Variants in MTHFD1 observed in about 807,000 individuals in gnomAD.
The protein encoded by MTHFD1 is methylenetetrahydrofolate dehydrogenase, cyclohydrolase and formyltetrahydrofolate synthetase 1.
MTHFD1 carries 44 observed loss-of-function variants against 110.3 expected under a neutral mutation model. The observed-to-expected ratio is 0.40, with a 90% CI of 0.31 to 0.51. MTHFD1 has a LOEUF of 0.51. Among genes scored for constraint, MTHFD1 ranks in the 20% least tolerant of loss-of-function variants. The probability of loss-of-function intolerance (pLI) is 0.60; values close to 1 mark genes in which losing one functional copy is unlikely to be tolerated. For synonymous variants in MTHFD1, 402 were observed against 428.8 expected, an observed-to-expected ratio of 0.94 and a Z score of 0.77; for missense variants, 909 against 1,173.1, an observed-to-expected ratio of 0.77 and a Z score of 3.29.
intron 6 of MTHFD1, among the ~76,000 whole-genome samples, chr14:64,416,119 C>A (rs966754432): frequency 2.0e-5 from 3 of 152,066 alleles, no homozygotes; most frequent in South Asian, 2.1e-4. Flanking sequence ...GTGGCATGCA[C>A]CTGTATTCCC....
intron 26 of MTHFD1, among the ~76,000 whole-genome samples, chr14:64,457,388 CATGGAAG>C (rs1438883092): frequency 6.6e-6 from 1 of 152,052 alleles, no homozygotes; most frequent in Non-Finnish European, 1.5e-5. Flanking sequence ...CTTGTGACCA[CATGGAAG>C]ATGATAGTGA....
intron 8 of MTHFD1, 46 bp downstream of exon 8, chr14:64,419,971 G>T (rs1310483995): frequency 7.6e-7 from 1 of 1,312,290 alleles, no homozygotes; most frequent in Non-Finnish European, 1.1e-6. Flanking sequence ...ATTGAGGATG[G>T]TATCTAGGTC....
chr14:64,441,442 C>T lies in MTHFD1; in HGVS notation c.1873C>T (p.Gln625Ter). The T allele has an allele frequency of 6.2e-7, 1 of 1,613,930 alleles. No homozygotes were observed. The highest frequency in any genetic ancestry group is 8.5e-7 in the Non-Finnish European group (1 of 1,179,876). ...GGACGCAATCAAGCCCAATCTCATGCAGACACTGGAGGTGAGCAGAGTGAC... is the reference window on the plus strand; with the variant it reads ...GGACGCAATCAAGCCCAATCTCATGTAGACACTGGAGGTGAGCAGAGTGAC... ...MKDAIKPNLM[Q>*]TLEGTPVFVH... The change falls in exon 19 of 28, where the codon CAG becomes TAG. Residue 625 changes from glutamine to a stop codon, truncating the protein, a stop_gained. Transcript: ENST00000652337. LOFTEE classifies it high-confidence loss of function.
chr14:64,453,274 A>G (rs1168617856), intron 24 of MTHFD1, among the ~76,000 whole-genome samples: 1 of 152,076 alleles, frequency 6.6e-6, no homozygotes, highest in East Asian at 1.9e-4. Flanking sequence ...GCTTGATATT[A>G]AAAGAAAGTG....
chr14:64,439,679 T>C (rs1054849993), intron 17 of MTHFD1, among the ~76,000 whole-genome samples: 13 of 151,996 alleles, frequency 8.6e-5, no homozygotes, highest in Non-Finnish European at 1.2e-4. Context: ...GGCGGGCGGA[T>C]CACTTGAGGT....
chr14:64,395,725 G>T (rs1047157004), intron 1 of MTHFD1, among the ~76,000 whole-genome samples: 1 of 152,146 alleles, frequency 6.6e-6, no homozygotes, highest in Admixed American at 6.6e-5. Context: ...TTGGCATCTA[G>T]CAGTAGAGGC....
chr14:64,398,783 C>T (rs1596531250), intron 1 of MTHFD1, among the ~76,000 whole-genome samples: 1 of 152,230 alleles, frequency 6.6e-6, no homozygotes, highest in East Asian at 1.9e-4. Flanking sequence ...AATGACAAAA[C>T]TGGTTTTCCA....
At chr14:64,413,656 C>T (rs2140954800) in intron 4 of MTHFD1, among the ~76,000 whole-genome samples, 1 of 152,282 alleles carries the variant, frequency 6.6e-6, no homozygotes, top group South Asian at 2.1e-4. Flanking sequence ...GTTGTACTAG[C>T]CACTTTGCAA....
At chr14:64,437,232 A>C (rs2078213083) in intron 16 of MTHFD1, among the ~76,000 whole-genome samples, 1 of 152,138 alleles carries the variant, frequency 6.6e-6, no homozygotes, top group African/African-American at 2.4e-5. Flanking sequence ...CAAAATATAT[A>C]GGCAAATTTG....
In MTHFD1 at chr14:64,388,645, T is replaced by G. The variant is rs960562486; in HGVS notation, c.41+177T>G. 15 of 699,918 alleles carry G rather than the reference T, an allele frequency of 2.1e-5. No homozygotes were observed. In the East Asian group the frequency reaches 3.8e-4, roughly 18 times the overall value. The allele number at this position is 699,918 out of a possible 1,614,324, so 43.4% of individuals were successfully genotyped here. On this transcript the variant is annotated intron_variant, in intron 1 of 27. Transcript: ENST00000652337. ...CCCGGGCACAACCTGCGTTTGCAAG[T>G]GGACTGCCTAGTGGCTGTAGCCGCT...
At chr14:64,397,043 T>G (rs2077855320) in intron 1 of MTHFD1, among the ~76,000 whole-genome samples, 1 of 120,864 alleles carries the variant, frequency 8.3e-6, no homozygotes, top group African/African-American at 3.3e-5. Context: ...AGGCGGAGCT[T>G]GCAGTGAGCC....
intron 27 of MTHFD1, among the ~76,000 whole-genome samples, chr14:64,459,263 T>C (rs1431646301): frequency 1.3e-5 from 2 of 152,210 alleles, no homozygotes; most frequent in Non-Finnish European, 2.9e-5. Context: ...TTTGGGAAAC[T>C]GAACCCTCAT....
intron 4 of MTHFD1, among the ~76,000 whole-genome samples, chr14:64,414,763 G>C (rs2357696): frequency 0.83 from 125,904 of 151,260 alleles, 52,591 homozygotes; most frequent in Middle Eastern, 0.93. Flanking sequence ...TATCTCAGCG[G>C]ACTGCAACCT....
chr14:64,402,727 T>G (rs2077907362), intron 2 of MTHFD1, among the ~76,000 whole-genome samples: 1 of 151,898 alleles, frequency 6.6e-6, no homozygotes. Context: ...GGAGATCACT[T>G]GAGCCCAGGA....
At chr14:64,452,913 G>A (rs1251314021) in intron 24 of MTHFD1, among the ~76,000 whole-genome samples, 4 of 151,834 alleles carry the variant, frequency 2.6e-5, no homozygotes, top group Non-Finnish European at 5.9e-5. Flanking sequence ...AAGAGACAGA[G>A]TGTTGCTATG....
At chr14:64,396,788 A>G (rs2077852991) in intron 1 of MTHFD1, among the ~76,000 whole-genome samples, 2 of 151,504 alleles carry the variant, frequency 1.3e-5, no homozygotes, top group Non-Finnish European at 2.9e-5. Flanking sequence ...TATTAAATAA[A>G]ACATTTGTGT....
At chr14:64,390,665 T>C (rs55795508) in intron 1 of MTHFD1, among the ~76,000 whole-genome samples, 33,737 of 151,672 alleles carry the variant, frequency 0.22, 3,893 homozygotes, top group Non-Finnish European at 0.25. Context: ...TTTGTTTGTT[T>C]GAGACAGAGT....
chr14:64,410,367 C>T (rs2077972868), intron 2 of MTHFD1, among the ~76,000 whole-genome samples: 1 of 150,592 alleles, frequency 6.6e-6, no homozygotes, highest in Non-Finnish European at 1.5e-5. Flanking sequence ...GCTGGGACTA[C>T]AGGCAGGCAC....
chr14:64,393,198 G>A (rs556635410), intron 1 of MTHFD1, among the ~76,000 whole-genome samples: 122 of 152,262 alleles, frequency 8.0e-4, no homozygotes, highest in African/African-American at 2.6e-3. Context: ...TCAGGAGTTG[G>A]AGACCAGCCT....
Sources: gnomAD v4.1 joint callset for allele counts (sites outside exome capture counted in the v4.1 genomes callset) on GRCh38, gnomAD v4.1.1 for gene constraint, MANE v1.5 for transcripts, NCBI Gene and HGNC (gene_info 2026-07-23, HGNC 2026-07-21) for gene names.